The following MAF variants were observed in gnomAD, a reference collection of about 807,000 sequenced individuals.
MAF encodes the protein MAF bZIP transcription factor.
Under a neutral mutation model 22.0 loss-of-function variants are expected in MAF, and 10 were observed. That is an observed-to-expected ratio of 0.45 (90% CI 0.28 to 0.77). The LOEUF (loss-of-function observed/expected upper bound fraction) is 0.77, where lower values mean the gene tolerates loss of function less well. Ranked by LOEUF, MAF falls within the 30% of genes least tolerant of loss-of-function variation. MAF has a pLI of 0.12. For synonymous variants in MAF, 337 were observed against 255.8 expected (o/e 1.32, Z -3.03); for missense variants, 544 against 548.4 (o/e 0.99, Z 0.08).
chr16:79,483,992 G>T, the MAF span, among the ~76,000 whole-genome samples: 1 of 152,166 alleles, frequency 6.6e-6, no homozygotes, highest in Non-Finnish European at 1.5e-5. Flanking sequence ...GATGGAAAAA[G>T]TGTGTTAGAT....
At chr16:79,336,691 G>A in the MAF span, among the ~76,000 whole-genome samples, 1 of 152,176 alleles carries the variant, frequency 6.6e-6, no homozygotes, top group Non-Finnish European at 1.5e-5. Context: ...ACATAGTCAA[G>A]CATTTCTTAT....
chr16:79,473,280 A>G, the MAF span, among the ~76,000 whole-genome samples: 1 of 152,146 alleles, frequency 6.6e-6, no homozygotes, highest in African/African-American at 2.4e-5. Context: ...GAATGAATGG[A>G]GGAACTCTCT....
At chr16:79,413,210 G>GTTGTTTTTTTTTTT in the MAF span, among the ~76,000 whole-genome samples, 8 of 63,640 alleles carry the variant, frequency 1.3e-4, 1 homozygote, top group Admixed American at 2.4e-4. Context: ...GAGCTGTGCA[G>GTTGTTTTTTTTTTT]TTTTTTTTTT....
chr16:79,455,244 G>A, the MAF span, among the ~76,000 whole-genome samples: 1 of 152,084 alleles, frequency 6.6e-6, no homozygotes, highest in Non-Finnish European at 1.5e-5. Flanking sequence ...TATATTCCAA[G>A]CTAATTTCAG....
At chr16:79,542,444 G>A in the MAF span, among the ~76,000 whole-genome samples, 1 of 152,142 alleles carries the variant, frequency 6.6e-6, no homozygotes, top group African/African-American at 2.4e-5. Flanking sequence ...AAGCAACAGG[G>A]GTCAGTGGCC....
At chr16:79,353,531 A>G in the MAF span, among the ~76,000 whole-genome samples, 1 of 152,152 alleles carries the variant, frequency 6.6e-6, no homozygotes, top group East Asian at 1.9e-4. Flanking sequence ...TCTCCGTATC[A>G]GGGGAACGGG....
the MAF span, chr16:79,205,547 T>C: frequency 4.6e-5 from 7 of 152,336 alleles, no homozygotes; most frequent in East Asian, 1.4e-3. Flanking sequence ...CTCACACTTC[T>C]AAAGCCTGAA....
chr16:79,520,583 G>C, the MAF span, among the ~76,000 whole-genome samples: 2 of 152,046 alleles, frequency 1.3e-5, no homozygotes, highest in Non-Finnish European at 1.5e-5. Flanking sequence ...CTGTCTAGTT[G>C]GTGCCCCTAC....
the MAF span, among the ~76,000 whole-genome samples, chr16:79,498,343 A>G: frequency 6.6e-6 from 1 of 152,240 alleles, no homozygotes; most frequent in South Asian, 2.1e-4. Context: ...TGGTTCCAAC[A>G]ACACCTTACT....
At chr16:79,441,123 CA>C in the MAF span, among the ~76,000 whole-genome samples, 35 of 152,160 alleles carry the variant, frequency 2.3e-4, no homozygotes, top group Non-Finnish European at 4.6e-4. Flanking sequence ...TAGTACATGC[CA>C]GCTGTTTTTA....
At chr16:79,396,725 C>A in the MAF span, among the ~76,000 whole-genome samples, 139,488 of 152,272 alleles carry the variant, frequency 0.92, 64,791 homozygotes, top group East Asian at 1. Flanking sequence ...GAGCATCTTT[C>A]AAACACACTG....
chr16:79,209,844 C>G, the MAF span, among the ~76,000 whole-genome samples: 2 of 152,154 alleles, frequency 1.3e-5, no homozygotes, highest in Non-Finnish European at 2.9e-5. Flanking sequence ...AGGTGCTAAG[C>G]TCAGGGTTAT....
chr16:79,547,553 C>A, the MAF span, among the ~76,000 whole-genome samples: 1 of 152,036 alleles, frequency 6.6e-6, no homozygotes, highest in Admixed American at 6.6e-5. Flanking sequence ...TGTAGAAACC[C>A]CTAAAAGTTA....
the MAF span, among the ~76,000 whole-genome samples, chr16:79,215,892 C>T: frequency 2.0e-5 from 3 of 152,090 alleles, no homozygotes; most frequent in Non-Finnish European, 1.5e-5. Flanking sequence ...GAACTGAGGC[C>T]CCGTAACAGT....
chr16:79,515,768 A>T, the MAF span, among the ~76,000 whole-genome samples: 1 of 151,934 alleles, frequency 6.6e-6, no homozygotes, highest in African/African-American at 2.4e-5. Context: ...TGGCAGTCAC[A>T]TAAGTTGCCT....
chr16:79,385,567 G>A, the MAF span, among the ~76,000 whole-genome samples: 3 of 152,280 alleles, frequency 2.0e-5, no homozygotes, highest in African/African-American at 7.2e-5. Context: ...TACTTTACAC[G>A]TTGTGTTCTT....
chr16:79,419,151 T>C, the MAF span, among the ~76,000 whole-genome samples: 2 of 152,154 alleles, frequency 1.3e-5, no homozygotes, highest in Non-Finnish European at 2.9e-5. Context: ...AGGGTGAAGG[T>C]GTGCTGGCCA....
the MAF span, among the ~76,000 whole-genome samples, chr16:79,468,218 G>A: frequency 6.6e-6 from 1 of 152,168 alleles, no homozygotes; most frequent in Non-Finnish European, 1.5e-5. Flanking sequence ...GAAATGGGGT[G>A]AGCTCCTGAT....
chr16:79,587,023 C>A (rs541996663), intron 1 of MAF, among the ~76,000 whole-genome samples: 1 of 152,212 alleles, frequency 6.6e-6, no homozygotes, highest in Admixed American at 6.5e-5. Flanking sequence ...ATTCTCTAGG[C>A]TGCTGTAACA....
Sources: allele counts gnomAD v4.1 joint callset (sites outside exome capture counted in the v4.1 genomes callset), GRCh38; gene constraint gnomAD v4.1.1; transcripts MANE v1.5; gene names NCBI Gene and HGNC (gene_info 2026-07-23, HGNC 2026-07-21).